The following SRPK2 variants were observed in gnomAD, a reference collection of about 807,000 sequenced individuals.
SRPK2 encodes SFRS protein kinase 2.
SRPK2 carries 21 observed loss-of-function variants against 90.8 expected under a neutral mutation model. That is an observed-to-expected ratio of 0.23 (90% CI 0.16 to 0.33). The LOEUF is 0.33. Among genes scored for constraint, SRPK2 ranks in the 10% least tolerant of loss-of-function variants. The pLI is 1.00. For synonymous variants in SRPK2, 288 were observed against 311.1 expected (o/e 0.93, Z 0.78); for missense variants, 620 against 869.0 (o/e 0.71, Z 3.60).
chr7:105,231,578 T>C (rs2129619790), intron 2 of SRPK2, among the ~76,000 whole-genome samples: 1 of 152,304 alleles, frequency 6.6e-6, no homozygotes, highest in South Asian at 2.1e-4. Flanking sequence ...CCAGCATCTG[T>C]TATTTTTTGG....
At chr7:105,170,959 GAAAGAAAGAGAA>G (rs1790980193) in intron 3 of SRPK2, among the ~76,000 whole-genome samples, 2 of 33,572 alleles carry the variant, frequency 6.0e-5, no homozygotes, top group African/African-American at 2.0e-4. Context: ...AAGAAAGAAA[GAAAGAAAGAGAA>G]AGAAAGAGAA....
rs1478147036 is a variant in SRPK2 at position 105,216,049 on chromosome 7, AG to A, written c.72-12265del. The stretch of plus-strand genomic sequence containing the variant: ...GCCACTGCACTCCAGCCTGGGCAAT[AG>A]AGCATGACCCCATCTCTACAAAAAA... On this transcript the variant is annotated intron_variant, in intron 2 of 15. Coordinates refer to ENST00000393651, the MANE Select transcript of SRPK2 (RefSeq NM_182692.3). 3.3e-5 allele frequency among the ~76,000 whole-genome samples: 5 copies of A among 150,190 alleles called. No individual in the cohort carries two copies. In the East Asian group the frequency reaches 9.7e-4, roughly 29 times the overall value.
At chr7:105,334,825 G>C (rs1814878503) in intron 2 of SRPK2, among the ~76,000 whole-genome samples, 1 of 123,578 alleles carries the variant, frequency 8.1e-6, no homozygotes, top group African/African-American at 3.3e-5. Context: ...TCCAGCCTGG[G>C]ATACAGACCA....
intron 2 of SRPK2, among the ~76,000 whole-genome samples, chr7:105,238,689 A>T (rs1004730219): frequency 2.0e-5 from 3 of 152,264 alleles, no homozygotes; most frequent in Non-Finnish European, 4.4e-5. Context: ...CCTGAATGAC[A>T]AGCTTCACCA....
At chr7:105,356,546 T>C (rs1817803822) in intron 2 of SRPK2, among the ~76,000 whole-genome samples, 1 of 152,222 alleles carries the variant, frequency 6.6e-6, no homozygotes, top group Non-Finnish European at 1.5e-5. Context: ...TGTTACTCAC[T>C]ATATTAGCTA....
intron 2 of SRPK2, among the ~76,000 whole-genome samples, chr7:105,317,691 A>C (rs1812462473): frequency 6.6e-6 from 1 of 152,232 alleles, no homozygotes; most frequent in African/African-American, 2.4e-5. Flanking sequence ...GTCTTCAATT[A>C]AGCCAGACAT....
chr7:105,319,338 C>T (rs935616378), intron 2 of SRPK2, among the ~76,000 whole-genome samples: 1 of 152,046 alleles, frequency 6.6e-6, no homozygotes, highest in Non-Finnish European at 1.5e-5. Context: ...GTATACAGCC[C>T]TCCATTTATG....
chr7:105,261,396 CTGT>C (rs1804262903), intron 2 of SRPK2, among the ~76,000 whole-genome samples: 1 of 151,988 alleles, frequency 6.6e-6, no homozygotes, highest in Non-Finnish European at 1.5e-5. Flanking sequence ...TGGCGGGCGC[CTGT>C]AGTCCCAGCT....
At chr7:105,275,780 A>C (rs1806405592) in intron 2 of SRPK2, among the ~76,000 whole-genome samples, 2 of 152,290 alleles carry the variant, frequency 1.3e-5, no homozygotes, top group South Asian at 4.1e-4. Flanking sequence ...AGCCGCCCTG[A>C]ATCAACCTAG....
At chr7:105,136,585 T>C (rs1315544612) in intron 11 of SRPK2, among the ~76,000 whole-genome samples, 1 of 152,214 alleles carries the variant, frequency 6.6e-6, no homozygotes, top group African/African-American at 2.4e-5. Flanking sequence ...TGGGTGACAC[T>C]GTGGTCACTC....
intron 6 of SRPK2, among the ~76,000 whole-genome samples, chr7:105,165,773 CT>C (rs1789971300): frequency 6.6e-6 from 1 of 152,246 alleles, no homozygotes; most frequent in Non-Finnish European, 1.5e-5. Context: ...CAGCAGCAAC[CT>C]GCTTGGGTCC....
intron 2 of SRPK2, among the ~76,000 whole-genome samples, chr7:105,292,141 T>C (rs1809115736): frequency 6.6e-6 from 1 of 152,218 alleles, no homozygotes; most frequent in Non-Finnish European, 1.5e-5. Flanking sequence ...CAGTCATATG[T>C]TCATGAGTTG....
chr7:105,316,310 C>A (rs980872489), intron 2 of SRPK2, among the ~76,000 whole-genome samples: 3 of 152,076 alleles, frequency 2.0e-5, no homozygotes, highest in Admixed American at 2.0e-4. Context: ...GAAGAAAATA[C>A]CTCTCAAATT....
chr7:105,135,644 T>C (rs1802693484), intron 11 of SRPK2, among the ~76,000 whole-genome samples: 2 of 152,268 alleles, frequency 1.3e-5, no homozygotes, highest in African/African-American at 4.8e-5. Context: ...GGAGATGATC[T>C]GTAATCTGCC....
chr7:105,167,603 T>C (rs1585023159), intron 5 of SRPK2, 139 bp from the exon 6 acceptor site: 1 of 442,538 alleles, frequency 2.3e-6, no homozygotes, highest in Non-Finnish European at 3.8e-6. Flanking sequence ...ATAAACTTTA[T>C]TTATTTATTT....
At chr7:105,234,934 T>C (rs768467324) in intron 2 of SRPK2, among the ~76,000 whole-genome samples, 26 of 152,226 alleles carry the variant, frequency 1.7e-4, no homozygotes, top group Non-Finnish European at 3.1e-4. Flanking sequence ...ATAGGCCACA[T>C]GCAGCCCAGG....
chr7:105,288,081 GTTATA>G (rs1322051124), intron 2 of SRPK2, among the ~76,000 whole-genome samples: 1 of 152,022 alleles, frequency 6.6e-6, no homozygotes, highest in African/African-American at 2.4e-5. Context: ...TTCTGAGAGT[GTTATA>G]TTAAAGGAAA....
chr7:105,174,396 T>C (rs1464524347), intron 3 of SRPK2, among the ~76,000 whole-genome samples: 1 of 152,160 alleles, frequency 6.6e-6, no homozygotes, highest in Admixed American at 6.5e-5. Flanking sequence ...TCTGGAAGTA[T>C]TTTCAACAAA....
chr7:105,337,483 T>A (rs1022284138), intron 2 of SRPK2, among the ~76,000 whole-genome samples: 15 of 151,574 alleles, frequency 9.9e-5, no homozygotes, highest in African/African-American at 3.2e-4. Context: ...CCCAGCTAAT[T>A]TTTTTATTTT....
Sources: gnomAD v4.1 joint callset for allele counts (sites outside exome capture counted in the v4.1 genomes callset) on GRCh38, gnomAD v4.1.1 for gene constraint, MANE v1.5 for transcripts, NCBI Gene and HGNC (gene_info 2026-07-23, HGNC 2026-07-21) for gene names.